KANTR: variants seen among roughly 807,000 people sequenced by gnomAD.
The protein encoded by KANTR is KDM5C adjacent transcript.
At chrX:53,142,460 C>G (rs1413705685) in exon 3 of KANTR, 2 of 210,222 alleles carry the variant, frequency 9.5e-6, no homozygotes, top group Non-Finnish European at 1.8e-5. Context: ...GGATTATAGG[C>G]GAATGCCACC....
In KANTR at chrX:53,117,204, C is replaced by T. The variant is rs1352159483; in HGVS notation, c.-804-6265C>T. On this transcript the variant is annotated intron_variant, in intron 2 of 2. Transcript: ENST00000604062. The stretch of plus-strand genomic sequence containing the variant: ...GGCTGAGGTAGGAGAATCGCTTGAA[C>T]CCAAGAGGAGGTTGCAGGGAGCCAA... Among the ~76,000 whole-genome samples the T allele has an allele frequency of 7.4e-5, 3 of 40,425 alleles. No homozygotes were observed. The Admixed American group carries it at 1.3e-3, about 18-fold the overall frequency. 35.1% of individuals were successfully genotyped at this position (40,425 alleles called of 115,157 possible).
intron 2 of KANTR, among the ~76,000 whole-genome samples, chrX:53,117,895 C>T (rs1205402208): frequency 9.0e-6 from 1 of 111,356 alleles, no homozygotes; most frequent in African/African-American, 3.3e-5. Flanking sequence ...GCTGGGATTA[C>T]AGGCGTGAGC....
At chrX:53,123,973 G>A (rs1218276240) in exon 3 of KANTR, 1 of 151,189 alleles carries the variant, frequency 6.6e-6, no homozygotes, top group Non-Finnish European at 1.3e-5. Flanking sequence ...ACTTCCTCAG[G>A]TCCTACCCGG....
At chrX:53,109,268 GT>G (rs1438438202) in intron 2 of KANTR, among the ~76,000 whole-genome samples, 3 of 111,756 alleles carry the variant, frequency 2.7e-5, no homozygotes, top group Admixed American at 1.9e-4. Context: ...TCCTAAGTTT[GT>G]TTTTTGTTGT....
chrX:53,143,077 G>T (rs1408034975), downstream of KANTR: 2 of 1,201,347 alleles, frequency 1.7e-6, no homozygotes, highest in Admixed American at 4.4e-5. Flanking sequence ...CTTCATGATG[G>T]AGTTGAAGGT....
chrX:53,131,188 T>G (rs1933357498), downstream of KANTR, among the ~76,000 whole-genome samples: 1 of 110,751 alleles, frequency 9.0e-6, no homozygotes, highest in African/African-American at 3.3e-5. Context: ...TCTTTGACCC[T>G]CCGTAAGTTT....
At chrX:53,114,082 G>A (rs1037857030) in intron 2 of KANTR, among the ~76,000 whole-genome samples, 2 of 109,549 alleles carry the variant, frequency 1.8e-5, no homozygotes, top group African/African-American at 6.7e-5. Flanking sequence ...TGTATTTTTT[G>A]TAGAGACGGG....
intron 2 of KANTR, among the ~76,000 whole-genome samples, chrX:53,136,065 T>A (rs1556817564): frequency 8.9e-6 from 1 of 111,848 alleles, no homozygotes; most frequent in African/African-American, 3.2e-5. Flanking sequence ...TTAGCGAACA[T>A]ATGTCACCCC....
At chrX:53,147,883 A>G (rs782283290) in intron 3 of KANTR, among the ~76,000 whole-genome samples, 7 of 112,059 alleles carry the variant, frequency 6.2e-5, no homozygotes, top group Non-Finnish European at 1.3e-4. Flanking sequence ...TACATAACGA[A>G]ATGAAGGCAG....
At chrX:53,102,119 G>GA (rs1400348936) in intron 2 of KANTR, among the ~76,000 whole-genome samples, 1 of 112,070 alleles carries the variant, frequency 8.9e-6, no homozygotes, top group Non-Finnish European at 1.9e-5. Context: ...CATACTGTTG[G>GA]AAAAATGGCA....
chrX:53,146,605 C>T (rs1378369028), downstream of KANTR, among the ~76,000 whole-genome samples: 1 of 111,653 alleles, frequency 9.0e-6, no homozygotes, highest in Non-Finnish European at 1.9e-5. Flanking sequence ...TCTAGCAAGG[C>T]AGGCCAACAT....
At chrX:53,116,203 AGT>A (rs1163783195) in intron 2 of KANTR, among the ~76,000 whole-genome samples, 1 of 111,832 alleles carries the variant, frequency 8.9e-6, no homozygotes, top group East Asian at 2.8e-4. Flanking sequence ...GTGGTCAGCC[AGT>A]GATTGGTCAG....
chrX:53,106,375 G>C (rs1932954197), intron 2 of KANTR, among the ~76,000 whole-genome samples: 1 of 109,587 alleles, frequency 9.1e-6, no homozygotes. Context: ...TATCGTTTTA[G>C]CTCTTACATT....
At chrX:53,126,682 A>G (rs1198829094) in exon 3 of KANTR, 2 of 112,024 alleles carry the variant, frequency 1.8e-5, no homozygotes. Context: ...CATGAGTATG[A>G]CATTGTAAAT....
intron 2 of KANTR, among the ~76,000 whole-genome samples, chrX:53,105,603 C>T (rs1932939769): frequency 9.3e-6 from 1 of 107,757 alleles, no homozygotes; most frequent in Non-Finnish European, 1.9e-5. Context: ...AATTCTCCTG[C>T]CTCAGCCTCC....
exon 3 of KANTR, chrX:53,127,090 A>G (rs1462048232): frequency 9.0e-6 from 1 of 111,613 alleles, no homozygotes; most frequent in Non-Finnish European, 1.9e-5. Context: ...TGTTCTTCTC[A>G]CTGCCTGAAA....
downstream of KANTR, chrX:53,143,712 C>T: frequency 1.5e-6 from 1 of 656,145 alleles, no homozygotes; most frequent in Admixed American, 2.2e-5. Flanking sequence ...TAGGGTACTT[C>T]AGGGTCAGGA....
exon 2 of KANTR, chrX:53,099,504 A>T (rs1415319455): frequency 8.9e-6 from 1 of 111,908 alleles, no homozygotes; most frequent in Non-Finnish European, 1.9e-5. Context: ...GAAACCCCTG[A>T]AAGTCATCCC....
intron 2 of KANTR, among the ~76,000 whole-genome samples, chrX:53,133,066 A>C (rs1485510199): frequency 1.8e-5 from 2 of 110,897 alleles, no homozygotes; most frequent in African/African-American, 6.6e-5. Context: ...GGAATACATA[A>C]AACAAGAAAG....
Sources: gnomAD v4.1 joint callset for allele counts (sites outside exome capture counted in the v4.1 genomes callset) on GRCh38, gnomAD v4.1.1 for gene constraint, MANE v1.5 for transcripts, NCBI Gene and HGNC (gene_info 2026-07-23, HGNC 2026-07-21) for gene names.